Variants in PTPRD observed in about 807,000 individuals in gnomAD.
The protein encoded by PTPRD is protein tyrosine phosphatase receptor type D.
In PTPRD, 34 loss-of-function variants were observed where a neutral mutation model predicts 214.5. The ratio of observed to expected loss-of-function variants is 0.16; its 90% CI spans 0.12 to 0.21. PTPRD has a LOEUF of 0.21. PTPRD is among the 10% of genes least tolerant of loss of function. The pLI is 1.00. For missense variants in PTPRD, 2,545 were observed against 2,398.7 expected (o/e 1.06, Z -1.27); for synonymous variants, 1,128 against 845.7 (o/e 1.33, Z -5.79).
chr9:9,665,549 T>C (rs1251648426), intron 7 of PTPRD, among the ~76,000 whole-genome samples: 1 of 151,790 alleles, frequency 6.6e-6, no homozygotes, highest in Non-Finnish European at 1.5e-5. Context: ...ACTGAGGTTC[T>C]ATCTAGTAAA....
At chr9:10,401,580 TAA>T (rs924106359) in intron 2 of PTPRD, among the ~76,000 whole-genome samples, 4 of 149,048 alleles carry the variant, frequency 2.7e-5, no homozygotes, top group African/African-American at 9.8e-5. Context: ...ATTATATATA[TAA>T]ACAGGTACAT....
chr9:8,509,953 A>G (rs2097643351), intron 21 of PTPRD, among the ~76,000 whole-genome samples: 1 of 152,044 alleles, frequency 6.6e-6, no homozygotes, highest in Non-Finnish European at 1.5e-5. Flanking sequence ...TTCTTTTGAA[A>G]TGGTTCGGAG....
At chr9:8,699,652 T>G (rs1160548595) in intron 12 of PTPRD, among the ~76,000 whole-genome samples, 1 of 152,134 alleles carries the variant, frequency 6.6e-6, no homozygotes, top group Non-Finnish European at 1.5e-5. Flanking sequence ...TATACCAATA[T>G]GAATGCTTAA....
chr9:8,432,535 A>G (rs1397759473), intron 35 of PTPRD, among the ~76,000 whole-genome samples: 1 of 152,230 alleles, frequency 6.6e-6, no homozygotes, highest in Non-Finnish European at 1.5e-5. Context: ...AGCTTCGTGC[A>G]TCTTACAAGT....
chr9:10,234,427 T>C (rs746380620), intron 3 of PTPRD, among the ~76,000 whole-genome samples: 6 of 151,816 alleles, frequency 4.0e-5, no homozygotes, highest in Admixed American at 2.6e-4. Flanking sequence ...CCCTAAACTA[T>C]CGCATGACAT....
At chr9:9,669,683 A>C (rs112281297) in intron 7 of PTPRD, among the ~76,000 whole-genome samples, 1 of 152,174 alleles carries the variant, frequency 6.6e-6, no homozygotes, top group African/African-American at 2.4e-5. Flanking sequence ...TCAGAAACTA[A>C]ATTTTCATAT....
At chr9:8,575,208 C>A (rs907075096) in intron 14 of PTPRD, among the ~76,000 whole-genome samples, 1 of 151,954 alleles carries the variant, frequency 6.6e-6, no homozygotes, top group African/African-American at 2.4e-5. Context: ...CTAAATTGTT[C>A]CTGAAATTAA....
chr9:8,778,731 G>C (rs1443142873), intron 11 of PTPRD, among the ~76,000 whole-genome samples: 2 of 152,108 alleles, frequency 1.3e-5, no homozygotes. Flanking sequence ...GGAGGCCATG[G>C]AGTGTTTCCC....
chr9:10,194,430 A>G (rs1490712068), intron 3 of PTPRD, among the ~76,000 whole-genome samples: 1 of 148,712 alleles, frequency 6.7e-6, no homozygotes. Flanking sequence ...TAATTGGCAG[A>G]ATGGCTGTTA....
intron 14 of PTPRD, among the ~76,000 whole-genome samples, chr9:8,563,413 T>C (rs972694057): frequency 2.6e-5 from 4 of 151,750 alleles, no homozygotes; most frequent in Non-Finnish European, 5.9e-5. Context: ...GATGGTCTCC[T>C]ACTTACAAAG....
intron 9 of PTPRD, among the ~76,000 whole-genome samples, chr9:9,366,498 T>C (rs984874555): frequency 6.6e-6 from 1 of 151,474 alleles, no homozygotes; most frequent in African/African-American, 2.4e-5. Context: ...ATTACTGAAA[T>C]TCAGCATTTT....
chr9:9,714,079 T>C (rs2097778557), intron 7 of PTPRD, among the ~76,000 whole-genome samples: 1 of 132,130 alleles, frequency 7.6e-6, no homozygotes, highest in Non-Finnish European at 1.6e-5. Context: ...CAAGATGTTG[T>C]TCACTTGCGC....
At chr9:8,339,765 A>AG (rs1850649330) in intron 42 of PTPRD, among the ~76,000 whole-genome samples, 1 of 151,918 alleles carries the variant, frequency 6.6e-6, no homozygotes. Flanking sequence ...AAATAATATT[A>AG]GGTCATAGTG....
intron 2 of PTPRD, among the ~76,000 whole-genome samples, chr9:10,592,080 C>T (rs892294714): frequency 2.6e-5 from 4 of 152,064 alleles, no homozygotes; most frequent in Non-Finnish European, 5.9e-5. Context: ...GAAGGCCTAA[C>T]CTAGAACAAA....
chr9:9,616,007 A>G (rs2094835598), intron 7 of PTPRD, among the ~76,000 whole-genome samples: 1 of 152,136 alleles, frequency 6.6e-6, no homozygotes, highest in South Asian at 2.1e-4. Context: ...TTAAAGGTTT[A>G]TTATCCAAAT....
intron 2 of PTPRD, among the ~76,000 whole-genome samples, chr9:10,501,168 G>C (rs2133221196): frequency 6.6e-6 from 1 of 152,000 alleles, no homozygotes; most frequent in Middle Eastern, 3.4e-3. Context: ...CAGTGTAGTA[G>C]GGTTCCCTTT....
At chr9:9,702,086 C>T (rs149306816) in intron 7 of PTPRD, among the ~76,000 whole-genome samples, 36 of 152,168 alleles carry the variant, frequency 2.4e-4, no homozygotes, top group Admixed American at 2.1e-3. Flanking sequence ...TGCCACTGCA[C>T]TCCAGCCTGG....
At chr9:10,612,122 G>C (rs982801950) in intron 2 of PTPRD, among the ~76,000 whole-genome samples, 4 of 146,138 alleles carry the variant, frequency 2.7e-5, no homozygotes, top group Non-Finnish European at 5.9e-5. Flanking sequence ...GCTTCCAATA[G>C]CCCTTGAACA....
At chr9:9,419,523 C>G (rs2078032032) in intron 8 of PTPRD, among the ~76,000 whole-genome samples, 1 of 151,554 alleles carries the variant, frequency 6.6e-6, no homozygotes, top group South Asian at 2.1e-4. Context: ...TTTGGGAAAC[C>G]TATAATTCTG....
Sources: gnomAD v4.1 joint callset for allele counts (sites outside exome capture counted in the v4.1 genomes callset) on GRCh38, gnomAD v4.1.1 for gene constraint, MANE v1.5 for transcripts, NCBI Gene and HGNC (gene_info 2026-07-23, HGNC 2026-07-21) for gene names.